PPP1R9A: variants seen among roughly 807,000 people sequenced by gnomAD.
PPP1R9A encodes neurabin-1.
A neutral mutation model predicts 141.9 loss-of-function variants in PPP1R9A; 59 were observed. The ratio of observed to expected loss-of-function variants is 0.42; its 90% CI spans 0.34 to 0.52. The LOEUF (loss-of-function observed/expected upper bound fraction) is 0.52. Ranked by LOEUF, PPP1R9A falls within the 20% of genes least tolerant of loss-of-function variation. PPP1R9A has a pLI of 0.10. For synonymous variants in PPP1R9A, 500 were observed against 569.7 expected, an observed-to-expected ratio of 0.88 and a Z score of 1.74; for missense variants, 1,444 against 1,611.9, an observed-to-expected ratio of 0.90 and a Z score of 1.78.
chr7:95,077,719 G>A (rs1025408416), intron 2 of PPP1R9A, among the ~76,000 whole-genome samples: 2 of 152,172 alleles, frequency 1.3e-5, no homozygotes, highest in African/African-American at 4.8e-5. Context: ...GAGATAGCTA[G>A]GATTCAGATT....
chr7:95,203,835 TTC>T (rs1304083754), intron 7 of PPP1R9A, 105 bp downstream of exon 7: 7 of 770,886 alleles, frequency 9.1e-6, no homozygotes, highest in Non-Finnish European at 1.4e-5. Flanking sequence ...TCTGAAGAAC[TTC>T]TCTAGAGTGA....
At chr7:94,965,968 C>T (rs1043401472) in intron 2 of PPP1R9A, among the ~76,000 whole-genome samples, 5 of 152,052 alleles carry the variant, frequency 3.3e-5, no homozygotes, top group Non-Finnish European at 5.9e-5. Context: ...AATGTTTTTC[C>T]ATTTGTTTGT....
At chr7:94,963,149 T>G (rs1247720020) in intron 2 of PPP1R9A, among the ~76,000 whole-genome samples, 1 of 152,126 alleles carries the variant, frequency 6.6e-6, no homozygotes, top group African/African-American at 2.4e-5. Flanking sequence ...TATTAAAATA[T>G]ATTTAATATG....
intron 13 of PPP1R9A, among the ~76,000 whole-genome samples, 180 bp downstream of exon 13, chr7:95,268,887 C>G (rs1437216295): frequency 6.6e-6 from 1 of 152,118 alleles, no homozygotes; most frequent in Non-Finnish European, 1.5e-5. Context: ...AATATTTTGT[C>G]TATTCATTCA....
At chr7:94,966,989 A>G (rs1306298056) in intron 2 of PPP1R9A, among the ~76,000 whole-genome samples, 3 of 152,068 alleles carry the variant, frequency 2.0e-5, no homozygotes, top group African/African-American at 7.2e-5. Flanking sequence ...GCCTCAATTT[A>G]GAACTGGTTA....
intron 2 of PPP1R9A, chr7:95,018,303 C>T (rs1805403862): frequency 4.3e-6 from 1 of 230,304 alleles, no homozygotes; most frequent in South Asian, 8.0e-5. Flanking sequence ...CATTTCTTGC[C>T]AACAATCATT....
chr7:95,167,749 A>T (rs1377302430), intron 5 of PPP1R9A, among the ~76,000 whole-genome samples: 1 of 152,184 alleles, frequency 6.6e-6, no homozygotes, highest in African/African-American at 2.4e-5. Context: ...TGCTGTTTCT[A>T]TACAAAAATA....
intron 12 of PPP1R9A, among the ~76,000 whole-genome samples, chr7:95,258,703 C>T (rs750064048): frequency 4.0e-4 from 61 of 152,056 alleles, no homozygotes; most frequent in East Asian, 5.8e-4. Flanking sequence ...ATGGGCAAAA[C>T]GCATAAGAAG....
intron 2 of PPP1R9A, among the ~76,000 whole-genome samples, chr7:95,034,840 A>G (rs750660468): frequency 6.6e-6 from 1 of 152,150 alleles, no homozygotes; most frequent in Non-Finnish European, 1.5e-5. Flanking sequence ...TTTCTTGCCT[A>G]TATTTTTGTT....
intron 2 of PPP1R9A, among the ~76,000 whole-genome samples, chr7:95,015,235 C>T (rs369438845): frequency 1.4e-4 from 17 of 120,486 alleles, no homozygotes; most frequent in South Asian, 2.4e-4. Flanking sequence ...TATACACACA[C>T]ACACACACAC....
intron 2 of PPP1R9A, among the ~76,000 whole-genome samples, chr7:95,064,493 A>G (rs1812686651): frequency 6.6e-6 from 1 of 152,230 alleles, no homozygotes; most frequent in African/African-American, 2.4e-5. Context: ...GCACAAACTT[A>G]CAAAAAGTAT....
intron 2 of PPP1R9A, among the ~76,000 whole-genome samples, chr7:95,103,558 C>T (rs1205735494): frequency 1.3e-5 from 2 of 151,762 alleles, no homozygotes; most frequent in African/African-American, 2.4e-5. Flanking sequence ...TTAGTAGAGA[C>T]GGGGTTTCAC....
At chr7:95,140,312 G>T (rs1826423178) in intron 4 of PPP1R9A, among the ~76,000 whole-genome samples, 1 of 152,072 alleles carries the variant, frequency 6.6e-6, no homozygotes, top group African/African-American at 2.4e-5. Context: ...GTGGGAGAAG[G>T]CATATATACA....
At position 95,145,840 on chromosome 7, in the gene PPP1R9A, G is replaced by A. The variant is rs140236747; in HGVS notation, c.1650-16027G>A. On this transcript the variant is annotated intron_variant, in intron 4 of 19. Transcript: ENST00000433360. ...GCAAAGGACATTAACTCATCCTTTT[G>A]TATGGCTGCATAGTAATCCATGGTG... Among the ~76,000 whole-genome samples the A allele has an allele frequency of 7.1e-3, 1,075 of 152,218 alleles. 15 individuals carry two copies. The highest frequency in any genetic ancestry group is 0.024 in the African/African-American group (1,009 of 41,528).
intron 2 of PPP1R9A, among the ~76,000 whole-genome samples, chr7:94,920,796 C>T (rs1000677602): frequency 1.6e-4 from 24 of 152,214 alleles, no homozygotes; most frequent in Admixed American, 6.5e-4. Context: ...CAGTGAGAAT[C>T]TTGCGGATTA....
intron 2 of PPP1R9A, among the ~76,000 whole-genome samples, chr7:95,022,443 C>T (rs748033706): frequency 6.6e-6 from 1 of 152,108 alleles, no homozygotes; most frequent in African/African-American, 2.4e-5. Context: ...ATTTGACTTC[C>T]TCTATTCCTA....
rs17166669 is a variant in PPP1R9A at position 95,136,939 on chromosome 7, C to G, written c.1649+16107C>G. ...GGTATTCAGTGATATAGAAGAGGTT[C>G]AAAGGTTGGAAAAGATCATAAGCTT... is the stretch of plus-strand genomic sequence containing the variant. On this transcript the variant is annotated intron_variant, in intron 4 of 19. Transcript: ENST00000433360. 4.4e-3 allele frequency among the ~76,000 whole-genome samples: 672 copies of G among 152,040 alleles called. 6 individuals are homozygous for G. Among genetic ancestry groups the G allele is most frequent in the African/African-American group, 0.015 (633 of 41,480 alleles).
intron 4 of PPP1R9A, among the ~76,000 whole-genome samples, chr7:95,159,122 T>C (rs1248701993): frequency 1.3e-5 from 2 of 152,150 alleles, no homozygotes; most frequent in African/African-American, 4.8e-5. Context: ...TATACCTAAA[T>C]TGGAAAACAA....
rs751775613 is a variant in PPP1R9A, at chr7:95,273,908, A to G, written c.3134A>G (p.Lys1045Arg). ...KKILREKDDA[K>R]DPKSLRASSS... is the part of the protein sequence containing the mutation. ...AATGTGTATATCCTAGATGATGCCA[A>G]AGATCCCAAATCACTAAGGGCATCC... The change falls in exon 15 of 20, where the codon AAA becomes AGA. Residue 1045 changes from lysine to arginine, a missense_variant. By Grantham distance (26) the Lys-to-Arg change is conservative. Coordinates refer to ENST00000433360, the MANE Select transcript of PPP1R9A (RefSeq NM_001166160.2). The G allele has an allele frequency of 6.7e-7, 1 of 1,501,856 alleles. No homozygotes were observed. The highest frequency in any genetic ancestry group is 9.1e-7 in the Non-Finnish European group (1 of 1,093,798). The allele number at this position is 1,501,856 out of a possible 1,614,324, so 93.0% of individuals were successfully genotyped here. A position where few individuals can be genotyped will look rare whatever the true frequency, so the allele number is the denominator to read the frequency against.
Sources: allele counts gnomAD v4.1 joint callset (sites outside exome capture counted in the v4.1 genomes callset), GRCh38; gene constraint gnomAD v4.1.1; transcripts MANE v1.5; gene names NCBI Gene and HGNC (gene_info 2026-07-23, HGNC 2026-07-21).